INTS8: variants seen among roughly 807,000 people sequenced by gnomAD.
INTS8 encodes integrator complex subunit 8.
In INTS8, 47 loss-of-function variants were observed where a neutral mutation model predicts 138.9. The observed-to-expected ratio is 0.34, with a 90% CI of 0.27 to 0.43. INTS8 has a LOEUF of 0.43. Ranked by LOEUF, INTS8 falls within the 20% of genes least tolerant of loss-of-function variation. The pLI, the probability that INTS8 is intolerant of heterozygous loss-of-function variation, is 1.00. For missense variants in INTS8, 996 were observed against 1,173.0 expected (o/e 0.85, Z 2.20); for synonymous variants, 392 against 400.9 (o/e 0.98, Z 0.27).
intron 6 of INTS8, 147 bp downstream of exon 6, chr8:94,832,321 T>C (rs905415447): frequency 2.1e-5 from 13 of 621,616 alleles, no homozygotes; most frequent in Non-Finnish European, 3.5e-5. Context: ...TATACATTTA[T>C]AAGATTTGAC....
chr8:94,827,579 A>G (rs1284522662), intron 3 of INTS8, 143 bp from the exon 4 acceptor site: 1 of 1,012,422 alleles, frequency 9.9e-7, no homozygotes, highest in Non-Finnish European at 1.5e-6. Flanking sequence ...GCAATCTGAT[A>G]AAAATGTGGA....
chr8:94,842,707 C>T (rs1815180285), intron 10 of INTS8, among the ~76,000 whole-genome samples: 1 of 152,166 alleles, frequency 6.6e-6, no homozygotes, highest in South Asian at 2.1e-4. Context: ...TTGGATTCTC[C>T]TTAGTCCTTC....
intron 20 of INTS8, among the ~76,000 whole-genome samples, chr8:94,870,557 C>T (rs987736414): frequency 1.3e-5 from 2 of 152,150 alleles, no homozygotes; most frequent in Non-Finnish European, 2.9e-5. Context: ...TTGAAGATTA[C>T]GTTTTTAAAA....
chr8:94,864,745 G>GT (rs1407348579), intron 16 of INTS8: 2 of 152,180 alleles, frequency 1.3e-5, no homozygotes, highest in East Asian at 3.9e-4. Flanking sequence ...TGAATTTATT[G>GT]TAAGTCAATC....
chr8:94,879,663 C>T (rs2131087195), intron 26 of INTS8: 1 of 150,464 alleles, frequency 6.6e-6, no homozygotes, highest in East Asian at 1.9e-4. Context: ...GATTTTAAGG[C>T]CCTAAACAGT....
intron 20 of INTS8, among the ~76,000 whole-genome samples, chr8:94,871,498 A>C (rs879556346): frequency 1.3e-5 from 2 of 152,062 alleles, no homozygotes; most frequent in Non-Finnish European, 2.9e-5. Flanking sequence ...AAATGATAAT[A>C]ATAATTTGGG....
chr8:94,844,784 C>T (rs1346383396), intron 10 of INTS8, among the ~76,000 whole-genome samples: 2 of 144,406 alleles, frequency 1.4e-5, no homozygotes, highest in Non-Finnish European at 3.0e-5. Flanking sequence ...AGACGGGTCT[C>T]ACTCTATCAC....
intron 1 of INTS8, among the ~76,000 whole-genome samples, chr8:94,824,515 A>T (rs1012338984): frequency 3.3e-5 from 5 of 152,174 alleles, no homozygotes; most frequent in African/African-American, 1.2e-4. Context: ...GGTCCCCCTA[A>T]TTAAGTGTCA....
At chr8:94,843,038 C>T (rs754079013) in intron 10 of INTS8, among the ~76,000 whole-genome samples, 9 of 152,224 alleles carry the variant, frequency 5.9e-5, no homozygotes, top group African/African-American at 2.2e-4. Flanking sequence ...TTACAACCTC[C>T]TCTACCTTCC....
At chr8:94,847,615 C>T (rs1815378148) in intron 10 of INTS8, among the ~76,000 whole-genome samples, 1 of 151,938 alleles carries the variant, frequency 6.6e-6, no homozygotes, top group African/African-American at 2.4e-5. Context: ...AAGGATTTGT[C>T]CATTTCATCT....
In INTS8 at chr8:94,867,256, CTT is replaced by C; in HGVS notation, c.2353-12_2353-11del. Reference sequence around the variant, plus strand: ...AAAGAAATTTCTTTGTAAATCACACCTTTTTTTTTCTTTTTAAAGGAGGACAT... The same window carrying C: ...AAAGAAATTTCTTTGTAAATCACACCTTTTTTTCTTTTTAAAGGAGGACAT... On this transcript the variant is annotated intron_variant, in intron 19 of 26. Transcript: ENST00000523731. 6.3e-7 allele frequency: 1 copy of C among 1,580,692 alleles called. No individual in the cohort carries two copies. Among genetic ancestry groups the C allele is most frequent in the Non-Finnish European group, 8.6e-7 (1 of 1,158,224 alleles).
Position 94,880,141 on chromosome 8 carries a change from G to A in INTS8, c.2895G>A (p.Glu965=), listed in dbSNP as rs772544449. ...AGATCAAAGCCATCGGCCAGACAGA[G>A]TTGAATGCAAGCAATCCAGAAGAAG... ...QIAIKAIGQT[E]LNASNPEEVL... Residue 965 remains glutamate, a synonymous_variant, in exon 27 of 27, where the codon GAG becomes GAA. Coordinates refer to ENST00000523731, the MANE Select transcript of INTS8 (RefSeq NM_017864.4). The A allele has an allele frequency of 1.4e-5, 22 of 1,611,016 alleles. No individual in the cohort carries two copies. The highest frequency in any genetic ancestry group is 2.2e-5 in the East Asian group (1 of 44,842).
At chr8:94,827,825 C>G in intron 4 of INTS8, 32 bp downstream of exon 4, 2 of 1,525,878 alleles carry the variant, frequency 1.3e-6, no homozygotes, top group Non-Finnish European at 1.8e-6. Flanking sequence ...TTACTTGGCA[C>G]TTTTTTCATT....
At chr8:94,869,102 G>A (rs1298377344) in intron 20 of INTS8, among the ~76,000 whole-genome samples, 1 of 150,360 alleles carries the variant, frequency 6.7e-6, no homozygotes, top group Admixed American at 6.6e-5. Flanking sequence ...CCTGCCTCAG[G>A]CTCCCGAGTA....
Position 94,865,686 on chromosome 8 carries a change from T to C in INTS8, c.2257T>C (p.Tyr753His), listed in dbSNP as rs1230326724. 6.2e-7 allele frequency: 1 copy of C among 1,612,940 alleles called. No homozygotes were observed. The highest frequency in any genetic ancestry group is 1.1e-5 in the South Asian group (1 of 91,034). Residue 753 changes from tyrosine (Y) to histidine (H), a missense_variant, in exon 17 of 27, where the codon TAT (tyrosine) becomes CAT (histidine). Physicochemically the swap from Tyr to His is moderately conservative, Grantham distance 83. Transcript: ENST00000523731. ...GAGGGAATCTACGTTAGGTATCATG[T>C]ATCGGTATGTATTGGTACGTTTCTA... ...KQRESTLGIM[Y>H]RSELLSFIKK...
chr8:94,853,294 G>A (rs938995535), intron 13 of INTS8, among the ~76,000 whole-genome samples: 2 of 152,144 alleles, frequency 1.3e-5, no homozygotes, highest in South Asian at 2.1e-4. Context: ...CCTGGGTGAC[G>A]GAGCGAGACT....
chr8:94,861,285 G>A (rs1261164742), intron 16 of INTS8, among the ~76,000 whole-genome samples: 6 of 7,442 alleles, frequency 8.1e-4, no homozygotes, highest in Non-Finnish European at 1.3e-3. Context: ...TTTTTGAGAC[G>A]GAGTCTCGCT....
rs144808854 is a variant in INTS8 at position 94,867,306 on chromosome 8, C to G, written c.2383C>G (p.His795Asp). Residue 795 changes from histidine to aspartate, a missense_variant, in exon 20 of 27, where the codon CAC (histidine) becomes GAC (aspartate). Transcript: ENST00000523731. ...EDIVNDITAE[H>D]ISIWPSSIPN... The stretch of plus-strand genomic sequence containing the variant: ...CATTGTGAATGATATTACAGCTGAA[C>G]ACATTTCTATTTGGCCATCTTCCAT... 1.2e-6 allele frequency: 2 copies of G among 1,611,860 alleles called. No individual in the cohort carries two copies. Among genetic ancestry groups the G allele is most frequent in the Non-Finnish European group, 1.7e-6 (2 of 1,178,838 alleles).
At chr8:94,863,448 A>G (rs6991067) in intron 16 of INTS8, among the ~76,000 whole-genome samples, 65,794 of 152,138 alleles carry the variant, frequency 0.43, 14,865 homozygotes, top group East Asian at 0.65. Context: ...GTAAATGAGT[A>G]AATCACTTCC....
Sources: gnomAD v4.1 joint callset for allele counts (sites outside exome capture counted in the v4.1 genomes callset) on GRCh38, gnomAD v4.1.1 for gene constraint, MANE v1.5 for transcripts, NCBI Gene and HGNC (gene_info 2026-07-23, HGNC 2026-07-21) for gene names.